The following DNAH11 variants were observed in gnomAD, a reference collection of about 807,000 sequenced individuals.
DNAH11 encodes the protein dynein axonemal heavy chain 11.
In DNAH11, 442 loss-of-function variants were observed where a neutral mutation model predicts 526.0. That is an observed-to-expected ratio of 0.84 (90% confidence interval 0.78 to 0.91). The LOEUF is 0.91. Ranked by LOEUF, DNAH11 falls within the 40% of genes least tolerant of loss-of-function variation. The pLI is 0.00. For synonymous variants in DNAH11, 2,461 were observed against 1,935.9 expected, an observed-to-expected ratio of 1.27 and a Z score of -7.12; for missense variants, 6,989 against 5,448.7, an observed-to-expected ratio of 1.28 and a Z score of -8.90.
At chr7:21,678,828 C>A (rs1191969245) in intron 30 of DNAH11, among the ~76,000 whole-genome samples, 1 of 152,002 alleles carries the variant, frequency 6.6e-6, no homozygotes, top group African/African-American at 2.4e-5. Flanking sequence ...GAACATTCCT[C>A]AAAATATTAA....
intron 65 of DNAH11, among the ~76,000 whole-genome samples, chr7:21,831,493 A>C (rs1583748993): frequency 6.6e-6 from 1 of 152,218 alleles, no homozygotes; most frequent in South Asian, 2.1e-4. Context: ...ATAATTTACT[A>C]TCCCTGGGAA....
chr7:21,796,025 T>C (rs1788700219), intron 61 of DNAH11, among the ~76,000 whole-genome samples: 1 of 152,128 alleles, frequency 6.6e-6, no homozygotes, highest in Admixed American at 6.5e-5. Context: ...TGTCAGTGTG[T>C]GGGGTCTCTT....
chr7:21,664,344 T>G (rs1562738361), intron 30 of DNAH11, among the ~76,000 whole-genome samples: 1 of 152,068 alleles, frequency 6.6e-6, no homozygotes, highest in Non-Finnish European at 1.5e-5. Context: ...TATGTCTGGT[T>G]TTTTTTCTGT....
At chr7:21,671,548 T>C (rs1782642753) in intron 30 of DNAH11, among the ~76,000 whole-genome samples, 1 of 152,192 alleles carries the variant, frequency 6.6e-6, no homozygotes, top group Non-Finnish European at 1.5e-5. Flanking sequence ...TTTCTCTTTT[T>C]TTTCTTAATT....
intron 4 of DNAH11, 56 bp downstream of exon 4, chr7:21,559,848 A>G: frequency 5.0e-6 from 7 of 1,386,244 alleles, no homozygotes; most frequent in Non-Finnish European, 7.0e-6. Flanking sequence ...CCTGAGCTGC[A>G]ATGACCAATA....
At chr7:21,702,164 T>C (rs1386983688) in intron 36 of DNAH11, among the ~76,000 whole-genome samples, 2 of 152,178 alleles carry the variant, frequency 1.3e-5, no homozygotes, top group South Asian at 2.1e-4. Context: ...GGGAGGAGTC[T>C]TCATTAGGGA....
chr7:21,610,900 A>G (rs1785495797), intron 20 of DNAH11, among the ~76,000 whole-genome samples: 1 of 152,266 alleles, frequency 6.6e-6, no homozygotes, highest in East Asian at 1.9e-4. Context: ...TTCTATTCAT[A>G]CTTCCTGGAA....
intron 74 of DNAH11, among the ~76,000 whole-genome samples, 179 bp downstream of exon 74, chr7:21,873,680 C>A (rs1237948035): frequency 1.3e-5 from 2 of 151,406 alleles, no homozygotes; most frequent in African/African-American, 4.9e-5. Flanking sequence ...CCTGTCATTT[C>A]CGATTCTAAT....
chr7:21,633,496 G>C (rs1228731491), intron 25 of DNAH11, among the ~76,000 whole-genome samples: 1 of 152,026 alleles, frequency 6.6e-6, no homozygotes, highest in Non-Finnish European at 1.5e-5. Context: ...CTCTGATGTT[G>C]GGTTCATATA....
chr7:21,754,366 A>G (rs1339013705), intron 54 of DNAH11, among the ~76,000 whole-genome samples: 1 of 152,202 alleles, frequency 6.6e-6, no homozygotes, highest in Non-Finnish European at 1.5e-5. Context: ...AATGATATAC[A>G]GAAGTTTTAC....
At chr7:21,594,757 A>T (rs1490611446) in intron 14 of DNAH11, among the ~76,000 whole-genome samples, 1 of 151,788 alleles carries the variant, frequency 6.6e-6, no homozygotes, top group African/African-American at 2.4e-5. Context: ...GAGTAGAGGG[A>T]GCTGAGTGGA....
chr7:21,618,699 T>TGA (rs1785899832), intron 23 of DNAH11, among the ~76,000 whole-genome samples: 1 of 152,180 alleles, frequency 6.6e-6, no homozygotes, highest in Admixed American at 6.5e-5. Context: ...GGGAATTATG[T>TGA]TCAGTGAATA....
At chr7:21,621,819 C>G (rs1174275053) in intron 25 of DNAH11, among the ~76,000 whole-genome samples, 4 of 152,074 alleles carry the variant, frequency 2.6e-5, no homozygotes, top group African/African-American at 9.7e-5. Flanking sequence ...GGACGTATCT[C>G]AAAATAATAA....
chr7:21,879,144 G>A (rs1018034013), intron 74 of DNAH11, among the ~76,000 whole-genome samples: 3 of 151,786 alleles, frequency 2.0e-5, no homozygotes, highest in Non-Finnish European at 1.5e-5. Context: ...TTCCATCTGC[G>A]TTCTTAAAAA....
chr7:21,873,610 T>C, intron 74 of DNAH11, 109 bp downstream of exon 74: 1 of 1,073,708 alleles, frequency 9.3e-7, no homozygotes. Context: ...AAGCAAGTTC[T>C]TAATGTTCGC....
intron 57 of DNAH11, among the ~76,000 whole-genome samples, chr7:21,781,329 T>G (rs1219693642): frequency 6.6e-6 from 1 of 152,190 alleles, no homozygotes; most frequent in Non-Finnish European, 1.5e-5. Flanking sequence ...GAGAGGCAGG[T>G]TGAAATCATT....
rs76318218 is a variant in DNAH11, at chr7:21,696,951, T to C, written c.6042-1124T>C. On this transcript the variant is annotated intron_variant, in intron 35 of 81. Transcript: ENST00000409508. ...CATAGATATGCTAGTCTTTGCTCTC[T>C]CCATTTACTCTTCATCTTCTGGTGT... is the stretch of plus-strand genomic sequence containing the variant. Among the ~76,000 whole-genome samples, 4 of 152,302 alleles carry C rather than the reference T, an allele frequency of 2.6e-5. No individual in the cohort carries two copies. In the South Asian group the frequency reaches 6.2e-4, roughly 24 times the overall value.
At chr7:21,629,529 T>C (rs1169572009) in intron 25 of DNAH11, among the ~76,000 whole-genome samples, 2 of 152,170 alleles carry the variant, frequency 1.3e-5, no homozygotes, top group Non-Finnish European at 2.9e-5. Context: ...TATCATTGTG[T>C]TGCAGCCTAT....
rs1377334146 is a variant in DNAH11, at chr7:21,899,987, G to A, written c.13170G>A (p.Met4390Ile). Residue 4390 changes from methionine (M) to isoleucine (I), a missense_variant, in exon 81 of 82, where the codon ATG becomes ATA. Met to Ile is a conservative substitution (Grantham distance 10). Transcript: ENST00000409508. ...TTTGTTATATTTCCAAAGCAATCAT[G>A]CAGACGATGGCTCGAAAAAATGAGT... Reference protein sequence around the residue: ...FNPQSFLTAIMQTMARKNEWP... With the variant: ...FNPQSFLTAIIQTMARKNEWP... 10 of 1,613,684 alleles carry A rather than the reference G, an allele frequency of 6.2e-6. No individual in the cohort carries two copies. Among genetic ancestry groups the A allele is most frequent in the Non-Finnish European group, 8.5e-6 (10 of 1,179,814 alleles).
Sources: allele counts gnomAD v4.1 joint callset (sites outside exome capture counted in the v4.1 genomes callset), GRCh38; gene constraint gnomAD v4.1.1; transcripts MANE v1.5; gene names NCBI Gene and HGNC (gene_info 2026-07-23, HGNC 2026-07-21).